ODAD2: variants seen among roughly 807,000 people sequenced by gnomAD.
ODAD2 encodes the protein outer dynein arm-docking complex subunit 2.
A neutral mutation model predicts 106.8 loss-of-function variants in ODAD2; 89 were observed. That is an observed-to-expected ratio of 0.83 (90% CI 0.70 to 0.99). The LOEUF (loss-of-function observed/expected upper bound fraction) is 0.99. Ranked by LOEUF, ODAD2 falls within the 50% of genes least tolerant of loss-of-function variation. The pLI, the probability that ODAD2 is intolerant of heterozygous loss-of-function variation, is 0.00. For synonymous variants in ODAD2, 404 were observed against 436.2 expected (o/e 0.93, Z 0.92); for missense variants, 1,168 against 1,238.5 (o/e 0.94, Z 0.85).
chr10:27,885,607 AT>A (rs1366379918), intron 17 of ODAD2, among the ~76,000 whole-genome samples: 4 of 78,768 alleles, frequency 5.1e-5, no homozygotes, highest in Non-Finnish European at 6.7e-5. Context: ...TATATATAAA[AT>A]ATATATAAAT....
intron 19 of ODAD2, among the ~76,000 whole-genome samples, chr10:27,837,328 T>A (rs1004783715): frequency 6.6e-6 from 1 of 152,144 alleles, no homozygotes; most frequent in African/African-American, 2.4e-5. Context: ...CCCAAGGAGG[T>A]TTTTGTTTTT....
At chr10:27,927,574 G>A (rs932851700) in intron 16 of ODAD2, among the ~76,000 whole-genome samples, 2 of 152,104 alleles carry the variant, frequency 1.3e-5, no homozygotes. Context: ...CACGTGGGAC[G>A]CCTATGTTCA....
chr10:27,984,355 C>T (rs1849743331), intron 4 of ODAD2, 65 bp from the exon 5 acceptor site: 1 of 1,041,136 alleles, frequency 9.6e-7, no homozygotes, highest in African/African-American at 1.6e-5. Flanking sequence ...CACATGAACA[C>T]ATTTCATTGT....
intron 7 of ODAD2, among the ~76,000 whole-genome samples, chr10:27,972,785 G>T (rs1418448322): frequency 6.6e-6 from 1 of 151,992 alleles, no homozygotes; most frequent in East Asian, 1.9e-4. Context: ...GAGCTAAAAG[G>T]AAAAGTAGAT....
At chr10:27,903,185 C>A (rs1322908773) in intron 17 of ODAD2, among the ~76,000 whole-genome samples, 1 of 152,134 alleles carries the variant, frequency 6.6e-6, no homozygotes, top group East Asian at 1.9e-4. Context: ...ATAAACAGAA[C>A]CAGTGACAAA....
intron 17 of ODAD2, among the ~76,000 whole-genome samples, chr10:27,897,316 C>T (rs1488617135): frequency 6.6e-6 from 1 of 152,120 alleles, no homozygotes; most frequent in Non-Finnish European, 1.5e-5. Flanking sequence ...CTCCTGACAT[C>T]CAGATTCGTG....
chr10:27,961,709 A>G lies in ODAD2; in HGVS notation c.1245T>C (p.Ser415=). 6.2e-7 allele frequency: 1 copy of G among 1,602,452 alleles called. No homozygotes were observed. The highest frequency in any genetic ancestry group is 2.2e-5 in the East Asian group (1 of 44,786). The change falls in exon 10 of 20, where the codon AGT becomes AGC. Residue 415 remains serine, a synonymous_variant. Transcript: ENST00000305242. ...SHGRAQLLRK[S]AEKIEETVSD... ...TAACAGTTTCCTCAATCTTTTCAGC[A>G]CTCTTCCTAAGAACAATAACAACAC...
chr10:27,836,783 CAATT>C (rs781273325), intron 19 of ODAD2, among the ~76,000 whole-genome samples: 42 of 152,214 alleles, frequency 2.8e-4, no homozygotes, highest in African/African-American at 9.6e-4. Context: ...TAATTACTAT[CAATT>C]GATTGATTAA....
intron 17 of ODAD2, among the ~76,000 whole-genome samples, chr10:27,868,207 G>A (rs543512311): frequency 1.3e-5 from 2 of 152,248 alleles, no homozygotes; most frequent in East Asian, 3.9e-4. Flanking sequence ...TGGAGAAATA[G>A]GAATACTTGT....
At chr10:27,829,667 C>T (rs4749262) in intron 19 of ODAD2, among the ~76,000 whole-genome samples, 1 of 152,096 alleles carries the variant, frequency 6.6e-6, no homozygotes, top group African/African-American at 2.4e-5. Context: ...AAAAAGCCCC[C>T]TAATAATCCC....
intron 17 of ODAD2, among the ~76,000 whole-genome samples, chr10:27,875,563 G>C (rs1841271796): frequency 6.6e-6 from 1 of 151,952 alleles, no homozygotes; most frequent in African/African-American, 2.4e-5. Flanking sequence ...TGTTAGTTTT[G>C]GTGGTTCCAA....
At chr10:27,905,077 G>C (rs1843490793) in intron 17 of ODAD2, 2 of 202,584 alleles carry the variant, frequency 9.9e-6, no homozygotes, top group African/African-American at 4.7e-5. Context: ...CCCAGCTGCA[G>C]ATCTAAGACG....
At chr10:27,941,244 G>C (rs1013922529) in intron 12 of ODAD2, among the ~76,000 whole-genome samples, 8 of 151,722 alleles carry the variant, frequency 5.3e-5, no homozygotes, top group African/African-American at 9.7e-5. Context: ...AACACTTTAG[G>C]AGCTCGAGGT....
intron 1 of ODAD2, among the ~76,000 whole-genome samples, chr10:27,998,607 G>A (rs539637714): frequency 4.8e-4 from 73 of 152,050 alleles, no homozygotes; most frequent in African/African-American, 1.7e-3. Context: ...GCCGAGGCAG[G>A]GTCTCGCGGG....
chr10:27,954,521 GAAT>G (rs1185020876), intron 10 of ODAD2, among the ~76,000 whole-genome samples: 1 of 152,138 alleles, frequency 6.6e-6, no homozygotes, highest in Non-Finnish European at 1.5e-5. Flanking sequence ...ATGAATGAAT[GAAT>G]GAATGAGTTG....
chr10:27,862,235 T>C (rs1840097696), intron 18 of ODAD2, among the ~76,000 whole-genome samples, 199 bp downstream of exon 18: 1 of 152,246 alleles, frequency 6.6e-6, no homozygotes, highest in African/African-American at 2.4e-5. Flanking sequence ...CTTGTAATAC[T>C]AACATTTTAT....
At chr10:27,888,718 T>G (rs1842386090) in intron 17 of ODAD2, among the ~76,000 whole-genome samples, 1 of 152,140 alleles carries the variant, frequency 6.6e-6, no homozygotes, top group African/African-American at 2.4e-5. Context: ...TATATCCACA[T>G]AACAAAACTG....
At chr10:27,934,528 T>G (rs1370626659) in intron 16 of ODAD2, among the ~76,000 whole-genome samples, 1 of 151,816 alleles carries the variant, frequency 6.6e-6, no homozygotes, top group Non-Finnish European at 1.5e-5. Flanking sequence ...GTTCTTAAAT[T>G]GTCTTTTCTT....
At chr10:27,878,492 C>G (rs1467368329) in intron 17 of ODAD2, among the ~76,000 whole-genome samples, 1 of 152,062 alleles carries the variant, frequency 6.6e-6, no homozygotes, top group Non-Finnish European at 1.5e-5. Context: ...CATAATGCAA[C>G]TTTAAAGCAC....
Sources: gnomAD v4.1 joint callset for allele counts (sites outside exome capture counted in the v4.1 genomes callset) on GRCh38, gnomAD v4.1.1 for gene constraint, MANE v1.5 for transcripts, NCBI Gene and HGNC (gene_info 2026-07-23, HGNC 2026-07-21) for gene names.